The following PLXND1 variants were observed in gnomAD, a reference collection of about 807,000 sequenced individuals.
The protein encoded by PLXND1 is plexin-D1.
A neutral mutation model predicts 197.7 loss-of-function variants in PLXND1; 54 were observed. The ratio of observed to expected loss-of-function variants is 0.27; its 90% CI spans 0.22 to 0.34. PLXND1 has a LOEUF of 0.34. PLXND1 is among the 10% of genes least tolerant of loss of function. The pLI is 1.00. For missense variants in PLXND1, 2,127 were observed against 2,699.2 expected (o/e 0.79, Z 4.70); for synonymous variants, 1,180 against 1,161.2 (o/e 1.02, Z -0.33).
Position 129,574,510 on chromosome 3 carries a change from C to T in PLXND1, c.2531-20G>A. ...CCATGACTGGGGAGACACGGGGCAG[C>T]TCGGTCAGCCCCGCTCTGCGGTGCA... On this transcript the variant is annotated intron_variant, in intron 11 of 35. Transcript: ENST00000324093. The T allele has an allele frequency of 6.2e-7, 1 of 1,608,784 alleles. No individual in the cohort carries two copies. The highest frequency in any genetic ancestry group is 8.5e-7 in the Non-Finnish European group (1 of 1,177,274).
At position 129,606,676 on chromosome 3, in the gene PLXND1, T is replaced by G. The variant is rs983015018; in HGVS notation, c.-37A>C. 2.4e-6 allele frequency: 2 copies of G among 846,420 alleles called. No individual in the cohort carries two copies. The highest frequency in any genetic ancestry group is 2.8e-6 in the Non-Finnish European group (2 of 705,870). The allele number at this position is 846,420 out of a possible 1,614,324, so 52.4% of individuals were successfully genotyped here. A position where few individuals can be genotyped will look rare whatever the true frequency, so the allele number is the denominator to read the frequency against. ...CGGGCTGCGCGGCGCGGCGAGTGCA[T>G]GGGGCGAGGCGCGGCCGGGAGCCGG... On this transcript the variant is annotated 5_prime_UTR_variant, in exon 1 of 36. An upstream start codon of the reference 5' UTR is lost. Transcript: ENST00000324093.
At chr3:129,578,932 C>G (rs1374181367) in intron 8 of PLXND1, among the ~76,000 whole-genome samples, 1 of 152,204 alleles carries the variant, frequency 6.6e-6, no homozygotes, top group Non-Finnish European at 1.5e-5. Flanking sequence ...ACAGGGAGGG[C>G]TCTGAATACC....
intron 25 of PLXND1, 81 bp downstream of exon 25, chr3:129,565,259 C>G (rs575159129): frequency 8.2e-7 from 1 of 1,219,844 alleles, no homozygotes; most frequent in African/African-American, 1.5e-5. Context: ...CCAGGGAAGG[C>G]CTGGGAGGCC....
chr3:129,566,546 G>T lies in PLXND1; in HGVS notation c.4172C>A (p.Pro1391Gln), dbSNP rs377733691. The T allele has an allele frequency of 8.1e-6, 13 of 1,609,750 alleles. No individual in the cohort carries two copies. Among genetic ancestry groups the T allele is most frequent in the South Asian group, 1.1e-5 (1 of 91,008 alleles). The change falls in exon 23 of 36, where the codon CCA becomes CAA. Residue 1391 changes from proline to glutamine, a missense_variant. Coordinates refer to ENST00000324093, the MANE Select transcript of PLXND1 (RefSeq NM_015103.3). ...ACTCACCTTCCACTCTCCCAGCAGT[G>T]GGTGGGTTTCCTGTGCCTGGGAGCT... ...QGSSQAQETH[P>Q]LLGEWKIPES... is the part of the protein sequence containing the mutation.
chr3:129,593,600 T>C (rs2085577592), intron 1 of PLXND1, among the ~76,000 whole-genome samples: 1 of 152,230 alleles, frequency 6.6e-6, no homozygotes, highest in African/African-American at 2.4e-5. Context: ...GGAGGGAATG[T>C]TTACAAAAGA....
rs1240026590 is a variant in PLXND1 at position 129,555,891 on chromosome 3, G to C, written c.*421C>G. 1 of 291,588 alleles carries C rather than the reference G, an allele frequency of 3.4e-6. No homozygotes were observed. Among genetic ancestry groups the C allele is most frequent in the Non-Finnish European group, 6.4e-6 (1 of 156,574 alleles). 18.1% of individuals were successfully genotyped at this position (291,588 alleles called of 1,614,324 possible). On this transcript the variant is annotated 3_prime_UTR_variant, in exon 36 of 36. Coordinates refer to ENST00000324093, the MANE Select transcript of PLXND1 (RefSeq NM_015103.3). ...AAGGTCAGTTCAAGGAGGGCTCCCT[G>C]CACCAGTGTGGATGAGGTAGAGTTT...
intron 12 of PLXND1, 62 bp downstream of exon 12, chr3:129,574,273 AG>A (rs1378215918): frequency 6.8e-7 from 1 of 1,463,100 alleles, no homozygotes. Context: ...GGGACCCTCG[AG>A]GGCACTGCGC....
In PLXND1 at chr3:129,606,649, C is replaced by T. The variant is rs2108812854; in HGVS notation, c.-10G>A. On this transcript the variant is annotated 5_prime_UTR_variant, in exon 1 of 36. Transcript: ENST00000324093. ...CGGCGCGAGGAGCCATCCGGGCGTGCGCGGGCTGCGCGGCGCGGCGAGTGC... is the reference window on the plus strand; with the variant it reads ...CGGCGCGAGGAGCCATCCGGGCGTGTGCGGGCTGCGCGGCGCGGCGAGTGC... 2.0e-6 allele frequency: 2 copies of T among 976,586 alleles called. No homozygotes were observed. The highest frequency in any genetic ancestry group is 1.2e-6 in the Non-Finnish European group (1 of 819,742). The allele number at this position is 976,586 out of a possible 1,614,324, so 60.5% of individuals were successfully genotyped here.
chr3:129,557,467 G>A lies in PLXND1; in HGVS notation c.5446-244C>T, dbSNP rs537986229. On this transcript the variant is annotated intron_variant, in intron 33 of 35. Transcript: ENST00000324093. This position sits in a 1 kb window ranked among gnomAD's most constrained non-coding sequence, Gnocchi z 4.8. ...ACTGTTAGGACAATGATGTGGGTGG[G>A]GAGGGGCCCTACTTCTTTCAGGGGA... Among the ~76,000 whole-genome samples the A allele has an allele frequency of 1.4e-5, 2 of 138,684 alleles. No homozygotes were observed. The highest frequency in any genetic ancestry group is 4.6e-4 in the East Asian group (2 of 4,304). 91.0% of individuals were successfully genotyped at this position (138,684 alleles called of 152,430 possible).
Position 129,571,569 on chromosome 3 carries a change from C to T in PLXND1, c.3276G>A (p.Glu1092=), listed in dbSNP as rs150709589. The part of the protein sequence containing the change: ...SGGRTITVAG[E]RFHMVQNVSM... ...ACACATTCTGCACCATGTGGAAACG[C>T]TCACCAGCCACTGTGATGGTCCTGC... The change falls in exon 17 of 36, where the codon GAG becomes GAA. Residue 1092 remains glutamate (E), a synonymous_variant. Coordinates refer to ENST00000324093, the MANE Select transcript of PLXND1 (RefSeq NM_015103.3). The T allele has an allele frequency of 5.0e-6, 8 of 1,613,652 alleles. No individual in the cohort carries two copies. In the African/African-American group the frequency reaches 1.1e-4, roughly 22 times the overall value.
At chr3:129,602,791 G>A (rs190911752) in intron 1 of PLXND1, among the ~76,000 whole-genome samples, 2 of 152,286 alleles carry the variant, frequency 1.3e-5, no homozygotes, top group East Asian at 3.9e-4. Flanking sequence ...GGTGCTTACT[G>A]TGTACTGGGT....
At chr3:129,559,849 G>T in intron 31 of PLXND1, 66 bp from the exon 32 acceptor site, 1 of 1,372,642 alleles carries the variant, frequency 7.3e-7, no homozygotes, top group South Asian at 1.5e-5. Flanking sequence ...GGGCACCCTT[G>T]GTGGCTCTGC....
chr3:129,605,620 C>T lies in PLXND1; in HGVS notation c.1020G>A (p.Gln340=). 6.5e-6 allele frequency: 10 copies of T among 1,537,336 alleles called. No individual in the cohort carries two copies. Among genetic ancestry groups the T allele is most frequent in the Non-Finnish European group, 8.7e-6 (10 of 1,145,464 alleles). Residue 340 remains glutamine, a synonymous_variant, in exon 1 of 36, where the codon CAG becomes CAA. Coordinates refer to ENST00000324093, the MANE Select transcript of PLXND1 (RefSeq NM_015103.3). ...DAKKLTESYI[Q]LGLQCAGGAG... The stretch of plus-strand genomic sequence containing the variant: ...CGCCGCCCGCGCACTGCAAGCCCAA[C>T]TGGATGTAGGACTCGGTGAGCTTCT...
Position 129,583,664 on chromosome 3 carries a change from G to C in PLXND1, c.2144C>G (p.Thr715Ser), listed in dbSNP as rs762428555. ...TAQVYPHTAC[T>S]SCLSAQWPCF... is the part of the protein sequence containing the mutation. ...GGGCCACTGTGCCGACAGGCAGCTG[G>C]TACAGCTGGAAGACAAGGAGGCCCC... The change falls in exon 8 of 36, where the codon ACC (threonine) becomes AGC (serine). Residue 715 changes from threonine to serine, a missense_variant. Around this residue, in one of 6 missense-constraint regions of PLXND1, gnomAD observed 1,095 missense variants for 1,259.8 expected, o/e 0.87. Coordinates refer to ENST00000324093, the MANE Select transcript of PLXND1 (RefSeq NM_015103.3). The C allele has an allele frequency of 1.2e-5, 20 of 1,611,054 alleles. No individual in the cohort carries two copies. Among genetic ancestry groups the C allele is most frequent in the Non-Finnish European group, 1.7e-5 (20 of 1,178,070 alleles).
At chr3:129,559,505 A>G in intron 32 of PLXND1, 115 bp downstream of exon 32, 1 of 753,140 alleles carries the variant, frequency 1.3e-6, no homozygotes, top group Non-Finnish European at 2.1e-6. Context: ...CAGCTGGGAA[A>G]TGGCAGAGGA....
At chr3:129,594,411 G>A (rs2085591024) in intron 1 of PLXND1, among the ~76,000 whole-genome samples, 1 of 152,170 alleles carries the variant, frequency 6.6e-6, no homozygotes, top group South Asian at 2.1e-4. Context: ...CTGAAGCCTG[G>A]AGGTCAAGGC....
chr3:129,601,443 G>A (rs1232874621), intron 1 of PLXND1, among the ~76,000 whole-genome samples: 1 of 152,106 alleles, frequency 6.6e-6, no homozygotes, highest in African/African-American at 2.4e-5. Context: ...TTCCTGCCAG[G>A]GCCCAGGGTT....
At chr3:129,586,451 G>A (rs747519457) in intron 3 of PLXND1, 137 bp downstream of exon 3, 528 of 1,171,088 alleles carry the variant, frequency 4.5e-4, no homozygotes, top group Non-Finnish European at 6.1e-4. Flanking sequence ...GGGAGGCGCA[G>A]GACAAGGTGG....
chr3:129,573,685 G>A lies in PLXND1; in HGVS notation c.2746C>T (p.Leu916=). ...GCCACGTCACTGAGCCGCCGGCCCA[G>A]GTTCCTTCCTCGGATGGTCAGCAGG... ...GTLLTIRGRN[L]GRRLSDVAHG... The change falls in exon 13 of 36, where the codon CTG becomes TTG. Residue 916 remains leucine (L), a synonymous_variant. Transcript: ENST00000324093. 1 of 1,613,778 alleles carries A rather than the reference G, an allele frequency of 6.2e-7. No individual in the cohort carries two copies. Among genetic ancestry groups the A allele is most frequent in the Non-Finnish European group, 8.5e-7 (1 of 1,180,016 alleles).
Sources: gnomAD v4.1 joint callset for allele counts (sites outside exome capture counted in the v4.1 genomes callset) on GRCh38, gnomAD v4.1.1 for gene constraint, gnomAD v4.1.1 regional missense constraint, Gnocchi (gnomAD v3.1) non-coding constraint, MANE v1.5 for transcripts, NCBI Gene and HGNC (gene_info 2026-07-23, HGNC 2026-07-21) for gene names.